SUPT3H: variants seen among roughly 807,000 people sequenced by gnomAD.
SUPT3H encodes SPT3 homolog, SAGA and STAGA complex component, also known as transcription initiation protein SPT3 homolog.
In SUPT3H, 44 loss-of-function variants were observed where a neutral mutation model predicts 44.3. The observed-to-expected ratio is 0.99, with a 90% CI of 0.78 to 1.28. The LOEUF (loss-of-function observed/expected upper bound fraction) is 1.28. Among genes scored for constraint, SUPT3H ranks in the 50% most tolerant of loss-of-function variants. SUPT3H has a pLI of 0.00. For missense variants in SUPT3H, 380 were observed against 387.1 expected, an observed-to-expected ratio of 0.98 and a Z score of 0.15; for synonymous variants, 124 against 125.6, an observed-to-expected ratio of 0.99 and a Z score of 0.09.
At chr6:45,162,770 T>C (rs976092245) in intron 2 of SUPT3H, among the ~76,000 whole-genome samples, 9 of 152,174 alleles carry the variant, frequency 5.9e-5, no homozygotes, top group Admixed American at 4.6e-4. Context: ...TGCTTGTTCA[T>C]AGTGATAGAT....
intron 3 of SUPT3H, among the ~76,000 whole-genome samples, chr6:45,026,729 C>T (rs1207241056): frequency 6.6e-6 from 1 of 151,834 alleles, no homozygotes; most frequent in East Asian, 1.9e-4. Flanking sequence ...TTTTATTTTT[C>T]AGCTTTAAAA....
chr6:45,028,896 CAAAAAAA>C (rs57234806), intron 3 of SUPT3H, among the ~76,000 whole-genome samples: 90 of 71,042 alleles, frequency 1.3e-3, no homozygotes, highest in African/African-American at 5.3e-3. Context: ...AAACAGTTGC[CAAAAAAA>C]AAAAAAAAAA....
chr6:45,376,671 A>G (rs1796820845), intron 1 of SUPT3H, among the ~76,000 whole-genome samples: 1 of 152,226 alleles, frequency 6.6e-6, no homozygotes, highest in African/African-American at 2.4e-5. Context: ...AGAGCATTCC[A>G]TTCTTGCAAA....
intron 3 of SUPT3H, among the ~76,000 whole-genome samples, chr6:45,075,648 G>A (rs982519477): frequency 1.3e-5 from 2 of 152,036 alleles, no homozygotes; most frequent in African/African-American, 4.8e-5. Context: ...CATGTGCTTT[G>A]TGATTTCAAA....
intron 10 of SUPT3H, among the ~76,000 whole-genome samples, chr6:44,879,296 A>G (rs1561943771): frequency 6.6e-6 from 1 of 152,184 alleles, no homozygotes; most frequent in East Asian, 1.9e-4. Flanking sequence ...TCACAGTGTA[A>G]GCAAAGCTGC....
At chr6:44,854,225 T>C (rs1269024764) in intron 10 of SUPT3H, among the ~76,000 whole-genome samples, 1 of 152,162 alleles carries the variant, frequency 6.6e-6, no homozygotes, top group Non-Finnish European at 1.5e-5. Flanking sequence ...AGGAATGATT[T>C]TTTTTGTCTT....
chr6:44,857,718 T>C (rs1324595836), intron 10 of SUPT3H, among the ~76,000 whole-genome samples: 1 of 152,064 alleles, frequency 6.6e-6, no homozygotes, highest in African/African-American at 2.4e-5. Flanking sequence ...GCCACTTCTG[T>C]ACAGGACAAA....
intron 2 of SUPT3H, among the ~76,000 whole-genome samples, chr6:45,308,131 T>C (rs997648864): frequency 6.6e-6 from 1 of 152,212 alleles, no homozygotes; most frequent in Non-Finnish European, 1.5e-5. Context: ...AATCTACACC[T>C]GATTGGTGTA....
At chr6:44,825,938 C>G (rs1767713547), downstream of SUPT3H, among the ~76,000 whole-genome samples, 1 of 152,148 alleles carries the variant, frequency 6.6e-6, no homozygotes, top group Non-Finnish European at 1.5e-5. Context: ...ATGCGGCGTT[C>G]TTGTGACTGC....
chr6:44,991,798 C>T lies in SUPT3H; in HGVS notation c.504+11855G>A, dbSNP rs142386339. ...AAAGAAATGGGGGAAATTATCTATA[C>T]CAAACAAATAATGATCTGTTAATTC... On this transcript the variant is annotated intron_variant, in intron 6 of 10. Coordinates refer to ENST00000371459, the MANE Select transcript of SUPT3H (RefSeq NM_003599.4). Among the ~76,000 whole-genome samples the T allele has an allele frequency of 2.2e-3, 328 of 152,124 alleles. 1 individual carries two copies. Among genetic ancestry groups the T allele is most frequent in the African/African-American group, 7.6e-3 (314 of 41,506 alleles).
chr6:44,981,968 G>C (rs1008063856), intron 6 of SUPT3H, among the ~76,000 whole-genome samples: 2 of 152,068 alleles, frequency 1.3e-5, no homozygotes, highest in African/African-American at 4.8e-5. Context: ...TTGAGCACAG[G>C]AGTTTGACAC....
At chr6:44,829,952 G>GCCAGCAGAGTCTACAA in intron 10 of SUPT3H, 95 bp from the exon 11 acceptor site, 1 of 1,104,242 alleles carries the variant, frequency 9.1e-7, no homozygotes, top group Non-Finnish European at 1.4e-6. Flanking sequence ...CTGTTTTGTA[G>GCCAGCAGAGTCTACAA]ACTCTGCTGG....
intron 2 of SUPT3H, among the ~76,000 whole-genome samples, chr6:45,257,589 C>T (rs1423880806): frequency 1.3e-5 from 2 of 152,168 alleles, no homozygotes; most frequent in African/African-American, 4.8e-5. Flanking sequence ...CAGATTACCA[C>T]AGACTGGGTA....
At chr6:45,111,553 AAGAAAAC>A (rs1800071946) in intron 2 of SUPT3H, among the ~76,000 whole-genome samples, 2 of 142,680 alleles carry the variant, frequency 1.4e-5, no homozygotes. Flanking sequence ...AAAAACAAGC[AAGAAAAC>A]AGTTTCATTT....
At chr6:45,325,275 AAT>A (rs1041950956) in intron 2 of SUPT3H, among the ~76,000 whole-genome samples, 1 of 151,896 alleles carries the variant, frequency 6.6e-6, no homozygotes, top group Non-Finnish European at 1.5e-5. Flanking sequence ...TCCTTAAAAA[AAT>A]GCATAGAAAT....
intron 6 of SUPT3H, among the ~76,000 whole-genome samples, chr6:44,970,791 C>G (rs1777464697): frequency 6.6e-6 from 1 of 152,058 alleles, no homozygotes; most frequent in Non-Finnish European, 1.5e-5. Context: ...AGAATACTGC[C>G]TGAAAAATAT....
intron 2 of SUPT3H, among the ~76,000 whole-genome samples, chr6:45,299,961 A>G (rs1055785242): frequency 1.7e-4 from 26 of 150,936 alleles, no homozygotes; most frequent in South Asian, 4.2e-4. Flanking sequence ...ATATATATAT[A>G]TGTGTGCACA....
chr6:45,044,766 T>C (rs1789110190), intron 3 of SUPT3H, among the ~76,000 whole-genome samples: 2 of 152,178 alleles, frequency 1.3e-5, no homozygotes, highest in Admixed American at 6.6e-5. Flanking sequence ...CTCAAAGTGT[T>C]ATCTTAGATT....
intron 10 of SUPT3H, among the ~76,000 whole-genome samples, chr6:44,920,565 CAAAAA>C (rs5875898): frequency 8.8e-6 from 1 of 113,464 alleles, no homozygotes. Context: ...TTGTTTCTTT[CAAAAA>C]AAAAAAAAAA....
Sources: gnomAD v4.1 joint callset for allele counts (sites outside exome capture counted in the v4.1 genomes callset) on GRCh38, gnomAD v4.1.1 for gene constraint, MANE v1.5 for transcripts, NCBI Gene and HGNC (gene_info 2026-07-23, HGNC 2026-07-21) for gene names.